Variants in ARHGAP15 observed in about 807,000 individuals in gnomAD.
ARHGAP15 encodes the protein Rho GTPase activating protein 15.
A neutral mutation model predicts 63.7 loss-of-function variants in ARHGAP15; 51 were observed. That is an observed-to-expected ratio of 0.80 (90% CI 0.64 to 1.01). The LOEUF is 1.01. Among genes scored for constraint, ARHGAP15 ranks in the 50% least tolerant of loss-of-function variants. ARHGAP15 has a pLI of 0.00. For synonymous variants in ARHGAP15, 191 were observed against 193.8 expected, an observed-to-expected ratio of 0.99 and a Z score of 0.12; for missense variants, 560 against 564.6, an observed-to-expected ratio of 0.99 and a Z score of 0.08.
intron 6 of ARHGAP15, among the ~76,000 whole-genome samples, chr2:143,355,693 G>A (rs1574324806): frequency 6.6e-6 from 1 of 152,012 alleles, no homozygotes; most frequent in Non-Finnish European, 1.5e-5. Flanking sequence ...GATACATTTT[G>A]TCTTTTGAAA....
intron 8 of ARHGAP15, among the ~76,000 whole-genome samples, chr2:143,448,922 G>C (rs925215268): frequency 6.6e-6 from 1 of 151,860 alleles, no homozygotes; most frequent in African/African-American, 2.4e-5. Flanking sequence ...AGAGCCAAAG[G>C]GTGGCCTTTG....
intron 12 of ARHGAP15, among the ~76,000 whole-genome samples, chr2:143,664,436 A>G (rs1252648643): frequency 2.0e-5 from 3 of 152,202 alleles, no homozygotes; most frequent in Admixed American, 2.0e-4. Flanking sequence ...AGGGAAATTT[A>G]TAGCACTAAA....
At chr2:143,224,092 A>G (rs1202070987) in intron 4 of ARHGAP15, among the ~76,000 whole-genome samples, 2 of 152,232 alleles carry the variant, frequency 1.3e-5, no homozygotes, top group Non-Finnish European at 2.9e-5. Context: ...CATAGTGCAT[A>G]TAAAATGCCA....
At chr2:143,261,225 A>G (rs911688815) in intron 6 of ARHGAP15, among the ~76,000 whole-genome samples, 3 of 150,168 alleles carry the variant, frequency 2.0e-5, no homozygotes, top group Admixed American at 2.0e-4. Context: ...ATCCTTTACT[A>G]TGTAATTGCT....
intron 9 of ARHGAP15, among the ~76,000 whole-genome samples, chr2:143,490,781 C>T (rs1164035534): frequency 6.6e-6 from 1 of 151,876 alleles, no homozygotes; most frequent in East Asian, 1.9e-4. Flanking sequence ...CACCATGCCC[C>T]ACTGTTTTTT....
chr2:143,671,372 C>G (rs1367993066), intron 12 of ARHGAP15, among the ~76,000 whole-genome samples: 4 of 151,962 alleles, frequency 2.6e-5, no homozygotes, highest in Non-Finnish European at 5.9e-5. Flanking sequence ...AGCAATGGCT[C>G]TTTTTGACAC....
chr2:143,285,417 T>C (rs985072154), intron 6 of ARHGAP15, among the ~76,000 whole-genome samples: 1 of 152,184 alleles, frequency 6.6e-6, no homozygotes, highest in Admixed American at 6.5e-5. Flanking sequence ...GTAAATAATA[T>C]GAAACTTGTA....
intron 6 of ARHGAP15, among the ~76,000 whole-genome samples, chr2:143,355,516 C>G (rs1211965569): frequency 6.6e-6 from 1 of 152,246 alleles, no homozygotes; most frequent in South Asian, 2.1e-4. Context: ...CAAATCACTA[C>G]AGCTAGTAAT....
intron 9 of ARHGAP15, among the ~76,000 whole-genome samples, chr2:143,502,875 C>T (rs965616598): frequency 3.3e-5 from 5 of 152,124 alleles, no homozygotes; most frequent in East Asian, 1.9e-4. Context: ...CCACTGTGCC[C>T]GCCCCTGTGT....
rs1158555427 is a variant in ARHGAP15, at chr2:143,578,579, G to A, written c.1003+22094G>A. ...ATACATTTTTAAAAAAGGTGGGGGG[G>A]TAGTTTTTTGGTTGATAATTTTGGT... On this transcript the variant is annotated intron_variant, in intron 11 of 13. Coordinates refer to ENST00000295095, the MANE Select transcript of ARHGAP15 (RefSeq NM_018460.4). 1.4e-4 allele frequency among the ~76,000 whole-genome samples: 22 copies of A among 152,248 alleles called. No homozygotes were observed. The South Asian group carries it at 4.4e-3, about 30-fold the overall frequency.
At chr2:143,212,049 G>C (rs1056213759) in intron 3 of ARHGAP15, among the ~76,000 whole-genome samples, 2 of 152,256 alleles carry the variant, frequency 1.3e-5, no homozygotes, top group African/African-American at 4.8e-5. Flanking sequence ...TAAACAGAAA[G>C]GGTTATTTTA....
intron 3 of ARHGAP15, among the ~76,000 whole-genome samples, chr2:143,206,370 G>T (rs1206595738): frequency 6.6e-6 from 1 of 152,142 alleles, no homozygotes; most frequent in Non-Finnish European, 1.5e-5. Flanking sequence ...TTAAAACAAT[G>T]TTGCTAGTTG....
chr2:143,689,713 A>G (rs934715948), intron 12 of ARHGAP15, among the ~76,000 whole-genome samples: 1 of 152,144 alleles, frequency 6.6e-6, no homozygotes, highest in Non-Finnish European at 1.5e-5. Flanking sequence ...GTGGCACTCT[A>G]AAAGATAAAG....
chr2:143,472,449 T>C lies in ARHGAP15; in HGVS notation c.704-14924T>C, dbSNP rs78318612. On this transcript the variant is annotated intron_variant, in intron 8 of 13. Coordinates refer to ENST00000295095, the MANE Select transcript of ARHGAP15 (RefSeq NM_018460.4). Reference sequence around the variant, plus strand: ...CAAAAGTGTGAGAAAATGTACTGTCTCAACAGGCGATTCCTAGGGCTCTTC... The same window carrying C: ...CAAAAGTGTGAGAAAATGTACTGTCCCAACAGGCGATTCCTAGGGCTCTTC... Among the ~76,000 whole-genome samples the C allele has an allele frequency of 4.4e-3, 672 of 152,278 alleles. 4 individuals carry two copies. The highest frequency in any genetic ancestry group is 0.016 in the African/African-American group (651 of 41,560).
intron 6 of ARHGAP15, among the ~76,000 whole-genome samples, chr2:143,279,247 A>G (rs1303221625): frequency 6.6e-6 from 1 of 152,054 alleles, no homozygotes; most frequent in African/African-American, 2.4e-5. Flanking sequence ...TCAAGTGCCA[A>G]TTTTGTGGAT....
chr2:143,232,282 A>T (rs1693477803), intron 5 of ARHGAP15, among the ~76,000 whole-genome samples: 1 of 152,198 alleles, frequency 6.6e-6, no homozygotes, highest in South Asian at 2.1e-4. Flanking sequence ...AATAGAAAGG[A>T]TAAAATTATC....
At chr2:143,318,509 CTTTTTTTT>C (rs535910161) in intron 6 of ARHGAP15, among the ~76,000 whole-genome samples, 4 of 55,634 alleles carry the variant, frequency 7.2e-5, no homozygotes, top group Non-Finnish European at 1.0e-4. Flanking sequence ...GATTAAGGGC[CTTTTTTTT>C]TTTTTTTTTT....
intron 12 of ARHGAP15, among the ~76,000 whole-genome samples, chr2:143,658,657 C>T (rs1369135989): frequency 6.6e-6 from 1 of 152,112 alleles, no homozygotes; most frequent in Non-Finnish European, 1.5e-5. Flanking sequence ...TCTGCTCTGC[C>T]ACCTGTAGAG....
At chr2:143,419,602 A>G (rs1558958936) in intron 6 of ARHGAP15, among the ~76,000 whole-genome samples, 1 of 151,902 alleles carries the variant, frequency 6.6e-6, no homozygotes. Flanking sequence ...AAAAAATAAT[A>G]AGATACGATA....
Sources: gnomAD v4.1 joint callset for allele counts (sites outside exome capture counted in the v4.1 genomes callset) on GRCh38, gnomAD v4.1.1 for gene constraint, MANE v1.5 for transcripts, NCBI Gene and HGNC (gene_info 2026-07-23, HGNC 2026-07-21) for gene names.